Variants in MSN observed in about 807,000 individuals in gnomAD.
MSN encodes epididymis luminal protein 70.
A neutral mutation model predicts 48.0 loss-of-function variants in MSN; 2 were observed. The observed-to-expected ratio is 0.04, with a 90% CI of 0.02 to 0.13. MSN has a LOEUF of 0.13. MSN is among the 10% of genes least tolerant of loss of function. The pLI is 1.00. For synonymous variants in MSN, 146 were observed against 166.9 expected (o/e 0.87, Z 0.97); for missense variants, 267 against 470.1 (o/e 0.57, Z 3.99).
chrX:65,664,213 T>C (rs919603350), upstream of MSN, among the ~76,000 whole-genome samples: 1 of 111,388 alleles, frequency 9.0e-6, no homozygotes, highest in African/African-American at 3.3e-5. Flanking sequence ...AGTGAATTAG[T>C]GAAGGAACAG....
intron 2 of MSN, 81 bp from the exon 3 acceptor site, chrX:65,727,733 G>C: frequency 1.2e-6 from 1 of 811,449 alleles, no homozygotes; most frequent in Middle Eastern, 2.9e-4. Flanking sequence ...ATATAATATT[G>C]ACTTCAAACT....
intron 3 of MSN, among the ~76,000 whole-genome samples, chrX:65,728,141 A>G (rs2071586135): frequency 8.9e-6 from 1 of 111,917 alleles, no homozygotes; most frequent in Non-Finnish European, 1.9e-5. Context: ...TCAAAGAAGA[A>G]GAGACTCTTT....
chrX:65,665,523 G>C, upstream of MSN, among the ~76,000 whole-genome samples: 1 of 111,840 alleles, frequency 8.9e-6, no homozygotes, highest in East Asian at 2.8e-4. Context: ...TGTTAGCAGT[G>C]AGAGAAACCG....
intron 1 of MSN, among the ~76,000 whole-genome samples, chrX:65,676,538 G>C (rs1385685508): frequency 8.9e-6 from 1 of 111,911 alleles, no homozygotes; most frequent in Non-Finnish European, 1.9e-5. Context: ...TGAGAGAAGA[G>C]TTGAGATATG....
intron 1 of MSN, among the ~76,000 whole-genome samples, chrX:65,593,704 G>A (rs147222841): frequency 0.017 from 1,888 of 111,447 alleles, 48 homozygotes; most frequent in African/African-American, 0.058. Context: ...CACCACTCCC[G>A]GCTAATTTTT....
At chrX:65,686,049 T>C (rs2071112364) in intron 1 of MSN, among the ~76,000 whole-genome samples, 2 of 112,703 alleles carry the variant, frequency 1.8e-5, no homozygotes, top group African/African-American at 6.4e-5. Context: ...GTCCAGGTGG[T>C]AGGAAAGTGG....
rs1476877362 is a variant in MSN at position 65,726,326 on chromosome X, A to C, written c.97-1488A>C. 2.7e-5 allele frequency among the ~76,000 whole-genome samples: 3 copies of C among 111,927 alleles called. No homozygotes were observed. In the East Asian group the frequency reaches 8.4e-4, roughly 31 times the overall value. ...AGAGAAGAAAAGGTACAAGCTCTAT[A>C]GTCAGACACATCATGGTTCTATATG... is the stretch of plus-strand genomic sequence containing the variant. On this transcript the variant is annotated intron_variant, in intron 2 of 12. Coordinates refer to ENST00000360270, the MANE Select transcript of MSN (RefSeq NM_002444.3).
At chrX:65,644,044 G>C (rs769562561) in intron 1 of MSN, among the ~76,000 whole-genome samples, 3 of 111,917 alleles carry the variant, frequency 2.7e-5, no homozygotes, top group Non-Finnish European at 5.6e-5. Flanking sequence ...TCTGTAAAAT[G>C]GGGCCAGCTT....
Position 65,705,665 on chromosome X carries a change from C to T in MSN, c.13-11153C>T, listed in dbSNP as rs191617399. 3.2e-3 allele frequency among the ~76,000 whole-genome samples: 357 copies of T among 111,937 alleles called. 1 individual carries two copies. Among genetic ancestry groups the T allele is most frequent in the Middle Eastern group, 0.027 (6 of 219 alleles). On this transcript the variant is annotated intron_variant, in intron 1 of 12. Transcript: ENST00000360270. Reference sequence around the variant, plus strand: ...TTCACCTCTGACCTGAACTCTGCTCCCACAGGGACAAGGTGGTTATATTTC... The same window carrying T: ...TTCACCTCTGACCTGAACTCTGCTCTCACAGGGACAAGGTGGTTATATTTC...
In MSN at chrX:65,735,375, G is replaced by T; in HGVS notation, c.904G>T (p.Val302Leu). 1 of 1,209,785 alleles carries T rather than the reference G, an allele frequency of 8.3e-7. No individual in the cohort carries two copies. The highest frequency in any genetic ancestry group is 1.1e-6 in the Non-Finnish European group (1 of 894,511). ...MRRRKPDTIE[V>L]QQMKAQAREE... is the part of the protein sequence containing the mutation. The stretch of plus-strand genomic sequence containing the variant: ...CCGTCGCAAGCCTGATACCATTGAG[G>T]TGCAGCAGATGAAGGCACAGGCCCG... The change falls in exon 8 of 13, where the codon GTG becomes TTG. Residue 302 changes from valine to leucine, a missense_variant. This residue lies in a region of MSN where 58 missense variants were observed against 104.6 expected (regional missense o/e 0.55). Coordinates refer to ENST00000360270, the MANE Select transcript of MSN (RefSeq NM_002444.3).
intron 1 of MSN, among the ~76,000 whole-genome samples, chrX:65,597,581 C>T (rs1455319303): frequency 9.0e-6 from 1 of 111,379 alleles, no homozygotes; most frequent in African/African-American, 3.3e-5. Context: ...CTCCTAGGCT[C>T]AAGCGATCTT....
chrX:65,725,990 A>G (rs1441968400), intron 2 of MSN, among the ~76,000 whole-genome samples: 3 of 112,186 alleles, frequency 2.7e-5, no homozygotes, highest in Non-Finnish European at 5.6e-5. Context: ...CTACCTTGAT[A>G]TCATACAGCT....
At chrX:65,675,055 G>A (rs1380953199) in intron 1 of MSN, among the ~76,000 whole-genome samples, 2 of 112,214 alleles carry the variant, frequency 1.8e-5, no homozygotes, top group African/African-American at 3.2e-5. Context: ...CAAATGTTAT[G>A]ATTATTTACT....
chrX:65,676,619 TG>T (rs1462309906), intron 1 of MSN, among the ~76,000 whole-genome samples: 3 of 111,464 alleles, frequency 2.7e-5, no homozygotes, highest in Non-Finnish European at 5.7e-5. Flanking sequence ...GGGAAGTGAC[TG>T]GGGCCAAGGC....
intron 1 of MSN, among the ~76,000 whole-genome samples, chrX:65,678,156 TC>T (rs1298024002): frequency 2.7e-5 from 3 of 111,420 alleles, no homozygotes; most frequent in Non-Finnish European, 5.7e-5. Context: ...GGCTATTTTC[TC>T]CCCCCTCAAG....
chrX:65,608,989 G>A (rs2070299186), intron 1 of MSN, among the ~76,000 whole-genome samples: 1 of 110,694 alleles, frequency 9.0e-6, no homozygotes, highest in African/African-American at 3.3e-5. Flanking sequence ...TCTTGGTTTG[G>A]TTTTGCCTGC....
upstream of MSN, among the ~76,000 whole-genome samples, chrX:65,666,117 T>C (rs1042605313): frequency 5.5e-5 from 6 of 109,989 alleles, no homozygotes; most frequent in Non-Finnish European, 9.5e-5. Context: ...GAAGCGATTC[T>C]CCTGCCTCAT....
At chrX:65,653,706 C>T (rs1319706603) in intron 1 of MSN, among the ~76,000 whole-genome samples, 1 of 109,590 alleles carries the variant, frequency 9.1e-6, no homozygotes, top group Non-Finnish European at 1.9e-5. Context: ...ATCTGGGGGC[C>T]CAGGAAGACT....
At chrX:65,674,535 C>T (rs943793655) in intron 1 of MSN, among the ~76,000 whole-genome samples, 8 of 111,652 alleles carry the variant, frequency 7.2e-5, no homozygotes, top group African/African-American at 2.3e-4. Context: ...TCCTGTCTAC[C>T]CCTCACCCCA....
Sources: gnomAD v4.1 joint callset for allele counts (sites outside exome capture counted in the v4.1 genomes callset) on GRCh38, gnomAD v4.1.1 for gene constraint, gnomAD v4.1.1 regional missense constraint, MANE v1.5 for transcripts, NCBI Gene and HGNC (gene_info 2026-07-23, HGNC 2026-07-21) for gene names.